The following FBLN1 variants were observed in gnomAD, a reference collection of about 807,000 sequenced individuals.
The protein encoded by FBLN1 is fibulin-1.
A neutral mutation model predicts 89.7 loss-of-function variants in FBLN1; 34 were observed. That is an observed-to-expected ratio of 0.38 (90% confidence interval 0.29 to 0.50). FBLN1 has a LOEUF of 0.50. Ranked by LOEUF, FBLN1 falls within the 20% of genes least tolerant of loss-of-function variation. The pLI, the probability that FBLN1 is intolerant of heterozygous loss-of-function variation, is 0.92. For missense variants in FBLN1, 777 were observed against 988.1 expected (o/e 0.79, Z 2.86); for synonymous variants, 393 against 391.3 (o/e 1.00, Z -0.05).
At position 45,576,515 on chromosome 22, in the gene FBLN1, A is replaced by T. The variant is rs2032429601; in HGVS notation, c.1841-462A>T. Among the ~76,000 whole-genome samples, 1 of 151,770 alleles carries T rather than the reference A, an allele frequency of 6.6e-6. No individual in the cohort carries two copies. The highest frequency in any genetic ancestry group is 2.1e-4 in the South Asian group (1 of 4,798). On this transcript the variant is annotated intron_variant, in intron 15 of 16. Coordinates refer to ENST00000327858, the MANE Select transcript of FBLN1 (RefSeq NM_006486.3). This position sits in a 1 kb window ranked among gnomAD's most constrained non-coding sequence, Gnocchi z 5.2. The stretch of plus-strand genomic sequence containing the variant: ...CCTGCTTCACTGTCTGATCTGGGAG[A>T]TGGACACACACCCCCCAGAGAACCC...
At chr22:45,542,055 C>T in intron 9 of FBLN1, 100 bp from the exon 10 acceptor site, 1 of 1,559,298 alleles carries the variant, frequency 6.4e-7, no homozygotes, top group Non-Finnish European at 8.8e-7. Flanking sequence ...TGCCTGTTTC[C>T]ATGTCCATGT....
intron 16 of FBLN1, among the ~76,000 whole-genome samples, chr22:45,582,156 C>G (rs1355317653): frequency 2.6e-5 from 4 of 152,240 alleles, no homozygotes; most frequent in African/African-American, 9.6e-5. Context: ...TAGACCTGAA[C>G]TGCCCAGATC....
chr22:45,596,135 C>T (rs2089183875), intron 16 of FBLN1, among the ~76,000 whole-genome samples: 1 of 152,234 alleles, frequency 6.6e-6, no homozygotes, highest in Non-Finnish European at 1.5e-5. Context: ...TCCCAAAGTG[C>T]CGGGATCACA....
At chr22:45,571,758 G>A (rs1046052266) in intron 14 of FBLN1, among the ~76,000 whole-genome samples, 4 of 152,148 alleles carry the variant, frequency 2.6e-5, no homozygotes, top group Non-Finnish European at 4.4e-5. Context: ...CACTGAAGAG[G>A]CCTAGAAACA....
chr22:45,554,100 G>A (rs1056354334), intron 14 of FBLN1, among the ~76,000 whole-genome samples: 5 of 152,282 alleles, frequency 3.3e-5, no homozygotes, highest in African/African-American at 1.2e-4. Context: ...GGAGCTATCA[G>A]CAAGTTCTGC....
chr22:45,520,354 C>T (rs1197628910), intron 2 of FBLN1, among the ~76,000 whole-genome samples: 3 of 152,200 alleles, frequency 2.0e-5, no homozygotes, highest in Admixed American at 6.5e-5. Context: ...AGGGTGGGCT[C>T]CTTCTGAGGC....
intron 1 of FBLN1, among the ~76,000 whole-genome samples, chr22:45,513,870 T>G (rs184807048): frequency 1.3e-5 from 2 of 152,244 alleles, no homozygotes; most frequent in African/African-American, 4.8e-5. Flanking sequence ...CTTGGCTCAC[T>G]GCAACCTCTG....
At chr22:45,587,638 C>G (rs1020358571) in intron 16 of FBLN1, among the ~76,000 whole-genome samples, 13 of 152,240 alleles carry the variant, frequency 8.5e-5, no homozygotes, top group Middle Eastern at 3.4e-3. Context: ...GCACCCAGAT[C>G]TACCAACTGG....
chr22:45,579,045 C>T lies in FBLN1; in HGVS notation c.1972+1937C>T, dbSNP rs1012912083. ...GTGGAGGCTCTCTTAGGGGAAGTCT[C>T]CTGGCAGGTTTTACGTCTTTAGTTC... On this transcript the variant is annotated intron_variant, in intron 16 of 16. Transcript: ENST00000327858. The surrounding 1 kb of genome is among the most constrained non-coding windows in gnomAD (Gnocchi z 5.5). 6.6e-6 allele frequency among the ~76,000 whole-genome samples: 1 copy of T among 152,232 alleles called. No individual in the cohort carries two copies. The highest frequency in any genetic ancestry group is 2.4e-5 in the African/African-American group (1 of 41,470).
Position 45,588,185 on chromosome 22 carries a change from C to T in FBLN1, c.1972+11077C>T, listed in dbSNP as rs1410524318. Among the ~76,000 whole-genome samples, 2 of 152,078 alleles carry T rather than the reference C, an allele frequency of 1.3e-5. No homozygotes were observed. Among genetic ancestry groups the T allele is most frequent in the African/African-American group, 4.8e-5 (2 of 41,412 alleles). The stretch of plus-strand genomic sequence containing the variant: ...GCGGTACAGCTTTAAATCTGGTGGT[C>T]AGTGACATTTGTCAAAGACTCAGGA... On this transcript the variant is annotated intron_variant, in intron 16 of 16. Transcript: ENST00000327858. This position sits in a 1 kb window ranked among gnomAD's most constrained non-coding sequence, Gnocchi z 5.1.
At chr22:45,592,950 C>G (rs1175630787) in intron 16 of FBLN1, among the ~76,000 whole-genome samples, 1 of 152,170 alleles carries the variant, frequency 6.6e-6, no homozygotes, top group African/African-American at 2.4e-5. Flanking sequence ...TGCTAAAATG[C>G]TCTTTGACAG....
At chr22:45,505,926 G>A (rs1000869771) in intron 1 of FBLN1, among the ~76,000 whole-genome samples, 7 of 152,006 alleles carry the variant, frequency 4.6e-5, no homozygotes, top group South Asian at 4.1e-4. Context: ...CGCCCATCAC[G>A]CCCAGCTAAT....
chr22:45,526,743 G>A (rs577434569), intron 3 of FBLN1, among the ~76,000 whole-genome samples: 46 of 152,338 alleles, frequency 3.0e-4, no homozygotes, highest in African/African-American at 1.0e-3. Flanking sequence ...TCACAGGGCA[G>A]GGCTCTGGCC....
chr22:45,503,179 C>A, intron 1 of FBLN1, 115 bp downstream of exon 1: 1 of 709,696 alleles, frequency 1.4e-6, no homozygotes, highest in Non-Finnish European at 1.8e-6. Context: ...CCCTGCGCGG[C>A]GCCCCCGGAC....
intron 3 of FBLN1, 62 bp downstream of exon 3, chr22:45,525,740 T>C: frequency 6.5e-7 from 1 of 1,548,692 alleles, no homozygotes; most frequent in South Asian, 1.2e-5. Flanking sequence ...ACCCAGGCCC[T>C]CCCAGCCAAG....
chr22:45,506,377 A>C (rs570164592), intron 1 of FBLN1, among the ~76,000 whole-genome samples: 3 of 152,344 alleles, frequency 2.0e-5, no homozygotes, highest in East Asian at 3.9e-4. Flanking sequence ...GTTCTTAGCC[A>C]TTCAGTCATT....
At position 45,547,190 on chromosome 22, in the gene FBLN1, G is replaced by A. The variant is rs2088640720; in HGVS notation, c.1427G>A (p.Gly476Glu). ...GGCTACCAGCTCAGCGATGTGGATG[G>A]AGTCACCTGTGAAGGTGCGGACGCC... Reference protein sequence around the residue: ...RRGYQLSDVDGVTCEDIDECA... With the variant: ...RRGYQLSDVDEVTCEDIDECA... The change falls in exon 12 of 17, where the codon GGA becomes GAA. Residue 476 changes from glycine to glutamate, a missense_variant. Coordinates refer to ENST00000327858, the MANE Select transcript of FBLN1 (RefSeq NM_006486.3). 2 of 1,613,886 alleles carry A rather than the reference G, an allele frequency of 1.2e-6. No homozygotes were observed. The highest frequency in any genetic ancestry group is 1.1e-5 in the South Asian group (1 of 91,080).
intron 7 of FBLN1, among the ~76,000 whole-genome samples, chr22:45,534,292 C>CAAAAAAAAAAAAAAAAAAAAAA (rs136746): frequency 6.0e-5 from 5 of 83,230 alleles, no homozygotes; most frequent in African/African-American, 4.8e-5. Context: ...GTACTTTCTA[C>CAAAAAAAAAAAAAAAAAAAAAA]AAAAAAAAAA....
At chr22:45,548,849 C>CCA in intron 13 of FBLN1, 105 bp downstream of exon 13, 1 of 1,535,054 alleles carries the variant, frequency 6.5e-7, no homozygotes, top group Non-Finnish European at 8.8e-7. Flanking sequence ...AACCCAAGGG[C>CCA]CACAGCACAG....
Sources: allele counts gnomAD v4.1 joint callset (sites outside exome capture counted in the v4.1 genomes callset), GRCh38; gene constraint gnomAD v4.1.1; non-coding constraint Gnocchi (gnomAD v3.1); transcripts MANE v1.5; gene names NCBI Gene and HGNC (gene_info 2026-07-23, HGNC 2026-07-21).